MID1: variants seen among roughly 807,000 people sequenced by gnomAD.
MID1 encodes midline 1, also known as E3 ubiquitin-protein ligase Midline-1.
A neutral mutation model predicts 40.4 loss-of-function variants in MID1; 7 were observed. The ratio of observed to expected loss-of-function variants is 0.17; its 90% CI spans 0.10 to 0.33. MID1 has a LOEUF of 0.33. Ranked by LOEUF, MID1 falls within the 10% of genes least tolerant of loss-of-function variation. The pLI is 1.00. For missense variants in MID1, 367 were observed against 558.5 expected, an observed-to-expected ratio of 0.66 and a Z score of 3.46; for synonymous variants, 229 against 221.2, an observed-to-expected ratio of 1.04 and a Z score of -0.31.
chrX:10,613,722 T>TAG (rs1395636592), intron 1 of MID1, among the ~76,000 whole-genome samples: 55 of 55,880 alleles, frequency 9.8e-4, no homozygotes, highest in South Asian at 3.6e-3. Flanking sequence ...TATATATATA[T>TAG]ATATATATAT....
intron 3 of MID1, among the ~76,000 whole-genome samples, chrX:10,496,349 G>A (rs1181972778): frequency 2.7e-5 from 3 of 112,468 alleles, no homozygotes; most frequent in East Asian, 5.6e-4. Context: ...TGGAAAGGTG[G>A]ATCATTAGAG....
chrX:10,537,883 T>G (rs143617919), intron 2 of MID1, among the ~76,000 whole-genome samples: 44 of 112,486 alleles, frequency 3.9e-4, no homozygotes, highest in African/African-American at 1.4e-3. Flanking sequence ...AACTTTCAGC[T>G]TTGCTGGTCC....
At chrX:10,637,540 G>A (rs748037320) in intron 1 of MID1, among the ~76,000 whole-genome samples, 1 of 108,509 alleles carries the variant, frequency 9.2e-6, no homozygotes, top group African/African-American at 3.4e-5. Context: ...CAGGACAATC[G>A]CTTGAACCCA....
chrX:10,457,545 T>C (rs1252655606), intron 8 of MID1, among the ~76,000 whole-genome samples: 4 of 112,327 alleles, frequency 3.6e-5, no homozygotes, highest in Non-Finnish European at 1.9e-5. Context: ...GGACAACTCT[T>C]TCAATAATCT....
At chrX:10,661,382 G>A (rs2042911093) in intron 1 of MID1, among the ~76,000 whole-genome samples, 1 of 107,380 alleles carries the variant, frequency 9.3e-6, no homozygotes, top group Non-Finnish European at 1.9e-5. Flanking sequence ...GTGCGATCTC[G>A]GCTCACTGCA....
intron 1 of MID1, among the ~76,000 whole-genome samples, chrX:10,762,107 G>A (rs1311404713): frequency 8.9e-6 from 1 of 111,918 alleles, no homozygotes; most frequent in East Asian, 2.8e-4. Flanking sequence ...GATAAAGTAT[G>A]TGATCTACCC....
In MID1 at chrX:10,811,968, G is replaced by A. The variant is rs760534774; in HGVS notation, c.-187+21586C>T. Among the ~76,000 whole-genome samples the A allele has an allele frequency of 2.9e-4, 32 of 111,496 alleles. 1 individual carries two copies. The highest frequency in any genetic ancestry group is 4.5e-4 in the Non-Finnish European group (24 of 53,057). ...ATTTTGGAGGTAAGAAGGTTTTTTT[G>A]TTATGTCATTAATGGTTAATTTAAA... On this transcript the variant is annotated intron_variant, in intron 1 of 10. Coordinates refer to the MID1 transcript ENST00000380785.
intron 1 of MID1, among the ~76,000 whole-genome samples, chrX:10,826,813 G>A (rs1386176382): frequency 8.9e-6 from 1 of 112,447 alleles, no homozygotes; most frequent in Admixed American, 9.4e-5. Context: ...CTTGAATGCA[G>A]GTTCCACTTT....
In MID1 at chrX:10,567,359, G is replaced by A. The variant is rs1483260841; in HGVS notation, c.189C>T (p.Ile63=). Residue 63 remains isoleucine, a synonymous_variant, in exon 2 of 10, where the codon ATC becomes ATT. Coordinates refer to ENST00000317552, the MANE Select transcript of MID1 (RefSeq NM_000381.4). The part of the protein sequence containing the change: ...AFQCPTCRHV[I]TLSQRGLDGL... ...CGTCTAGACCTCGCTGGCTGAGGGT[G>A]ATGACATGCCGGCAGGTGGGGCACT... The A allele has an allele frequency of 1.7e-6, 2 of 1,199,467 alleles. No individual in the cohort carries two copies. Among genetic ancestry groups the A allele is most frequent in the African/African-American group, 3.5e-5 (2 of 57,729 alleles).
At chrX:10,552,673 A>G (rs1933960880) in intron 2 of MID1, among the ~76,000 whole-genome samples, 1 of 110,511 alleles carries the variant, frequency 9.0e-6, no homozygotes, top group Non-Finnish European at 1.9e-5. Context: ...GGCCAACTGC[A>G]TTGTCCATAT....
chrX:10,651,920 G>T (rs1936320779), intron 1 of MID1, among the ~76,000 whole-genome samples: 1 of 111,816 alleles, frequency 8.9e-6, no homozygotes, highest in Non-Finnish European at 1.9e-5. Context: ...GAGCCACTGT[G>T]CCAGGTCATT....
At chrX:10,828,291 C>T (rs1028185841) in intron 1 of MID1, among the ~76,000 whole-genome samples, 2 of 111,314 alleles carry the variant, frequency 1.8e-5, no homozygotes, top group Non-Finnish European at 3.8e-5. Context: ...ACATTCTCTC[C>T]ACATCTTGGA....
At chrX:10,568,171 G>A (rs1374566406) in intron 1 of MID1, among the ~76,000 whole-genome samples, 1 of 111,970 alleles carries the variant, frequency 8.9e-6, no homozygotes, top group Non-Finnish European at 1.9e-5. Flanking sequence ...AGAGATGATC[G>A]TGTTTAAGTG....
chrX:10,520,488 C>T lies in MID1; in HGVS notation c.756+2604G>A, dbSNP rs925361395. ...ATATTGTAATCTTTATTATTATTTG[C>T]TACATTGTGCATCTACTGACAGTTA... On this transcript the variant is annotated intron_variant, in intron 3 of 9. Transcript: ENST00000317552. Among the ~76,000 whole-genome samples the T allele has an allele frequency of 3.6e-5, 4 of 112,031 alleles. No homozygotes were observed. The Admixed American group carries it at 3.8e-4, about 11-fold the overall frequency.
chrX:10,682,989 TAGA>T lies in MID1; in HGVS notation c.-186-62573_-186-62571del, dbSNP rs894005779. Among the ~76,000 whole-genome samples the T allele has an allele frequency of 6.3e-5, 7 of 111,419 alleles. 1 individual carries two copies. Among genetic ancestry groups the T allele is most frequent in the African/African-American group, 2.3e-4 (7 of 30,621 alleles). ...ATAATGAGAGTCATTTGTGTGAAAC[TAGA>T]AGGAGAGTATAGCTTTAACTGAACT... On this transcript the variant is annotated intron_variant, in intron 1 of 10. Transcript: ENST00000380785.
At chrX:10,515,478 G>A (rs1932353947) in intron 3 of MID1, among the ~76,000 whole-genome samples, 1 of 112,202 alleles carries the variant, frequency 8.9e-6, no homozygotes, top group South Asian at 3.7e-4. Flanking sequence ...AGAGAAAGCC[G>A]TATGAGAGCA....
intron 1 of MID1, among the ~76,000 whole-genome samples, chrX:10,687,059 C>T (rs1044426075): frequency 4.5e-5 from 5 of 111,252 alleles, no homozygotes; most frequent in Middle Eastern, 4.7e-3. Context: ...TGGAATTGCC[C>T]GTCTAATATC....
chrX:10,754,739 G>C (rs1367642332), intron 1 of MID1, among the ~76,000 whole-genome samples: 1 of 111,202 alleles, frequency 9.0e-6, no homozygotes, highest in Non-Finnish European at 1.9e-5. Context: ...TCCATGATCA[G>C]TCTAGGGTCT....
chrX:10,619,345 T>C (rs113895839), intron 1 of MID1, among the ~76,000 whole-genome samples: 4,771 of 112,626 alleles, frequency 0.042, 93 homozygotes, highest in African/African-American at 0.079. Context: ...AACTTTCCCA[T>C]CCAGATTTAT....
Sources: allele counts gnomAD v4.1 joint callset (sites outside exome capture counted in the v4.1 genomes callset), GRCh38; gene constraint gnomAD v4.1.1; transcripts MANE v1.5; gene names NCBI Gene and HGNC (gene_info 2026-07-23, HGNC 2026-07-21).